Variants in CTBP1 observed in about 807,000 individuals in gnomAD.
CTBP1 encodes the protein C-terminal-binding protein 1.
Under a neutral mutation model 42.1 loss-of-function variants are expected in CTBP1, and 11 were observed. That is an observed-to-expected ratio of 0.26 (90% CI 0.16 to 0.43). The LOEUF is 0.43. CTBP1 is among the 20% of genes least tolerant of loss of function. The pLI is 1.00. For missense variants in CTBP1, 399 were observed against 624.3 expected (o/e 0.64, Z 3.85); for synonymous variants, 324 against 277.1 (o/e 1.17, Z -1.68).
At position 1,211,879 on chromosome 4, in the gene CTBP1, A is replaced by AAC. The variant is rs1728575378; in HGVS notation, c.*360_*361insGT. The AAC allele has an allele frequency of 6.9e-5, 11 of 158,790 alleles. No individual in the cohort carries two copies. Among genetic ancestry groups the AAC allele is most frequent in the Non-Finnish European group, 9.5e-5 (7 of 73,978 alleles). The allele number at this position is 158,790 out of a possible 1,614,324, so 9.8% of individuals were successfully genotyped here. On this transcript the variant is annotated 3_prime_UTR_variant, in exon 10 of 10. Transcript: ENST00000382952. ...GTTCCAACATACAAAAAAAAAAAAA[A>AAC]CAAAAAAAAAAACCTCAAATTGACT...
rs1467935066 is a variant in CTBP1, at chr4:1,235,447, A to T, written c.162+2736T>A. ...CCAACCCCTTCCCTCTCCTGTTCTG[A>T]AGTTTCTGCAAGAGCGACCCTTCCT... On this transcript the variant is annotated intron_variant, in intron 3 of 9. Coordinates refer to ENST00000382952, the MANE Select transcript of CTBP1 (RefSeq NM_001012614.2). This position sits in a 1 kb window ranked among gnomAD's most constrained non-coding sequence, Gnocchi z 4.2. 2.0e-5 allele frequency: 3 copies of T among 152,032 alleles called. No individual in the cohort carries two copies. Among genetic ancestry groups the T allele is most frequent in the African/African-American group, 7.3e-5 (3 of 41,376 alleles). 9.4% of individuals were successfully genotyped at this position (152,032 alleles called of 1,614,324 possible).
chr4:1,226,733 C>A (rs1316617705), intron 4 of CTBP1, among the ~76,000 whole-genome samples: 1 of 151,748 alleles, frequency 6.6e-6, no homozygotes, highest in Non-Finnish European at 1.5e-5. Context: ...CACACCCAGG[C>A]CTGCACCCGA....
At chr4:1,247,613 C>G (rs1732853542) in intron 1 of CTBP1, among the ~76,000 whole-genome samples, 1 of 152,208 alleles carries the variant, frequency 6.6e-6, no homozygotes, top group Non-Finnish European at 1.5e-5. Context: ...CAACCCTGCC[C>G]CAAGCTGCAG....
At chr4:1,248,683 G>A (rs905834769) in intron 1 of CTBP1, 233 of 980,878 alleles carry the variant, frequency 2.4e-4, no homozygotes, top group Non-Finnish European at 2.6e-4. Flanking sequence ...CGGGCGGGGA[G>A]AGCAGACTGC....
chr4:1,247,342 A>G (rs1732821788), intron 1 of CTBP1, among the ~76,000 whole-genome samples: 1 of 152,080 alleles, frequency 6.6e-6, no homozygotes, highest in South Asian at 2.1e-4. Context: ...GCCTGTATGG[A>G]AGCAGGTGCT....
At position 1,238,096 on chromosome 4, in the gene CTBP1, GCT is replaced by G. The variant is rs769037622; in HGVS notation, c.162+85_162+86del. The G allele has an allele frequency of 1.9e-6, 3 of 1,563,388 alleles. No individual in the cohort carries two copies. The Admixed American group carries it at 5.0e-5, about 26-fold the overall frequency. The stretch of plus-strand genomic sequence containing the variant: ...TCCTGCCCCAGTGGCACCCAGACCT[GCT>G]GTGGCCCGGGCCTGCCGTGCTCCCG... On this transcript the variant is annotated intron_variant, in intron 3 of 9. Coordinates refer to ENST00000382952, the MANE Select transcript of CTBP1 (RefSeq NM_001012614.2). This position sits in a 1 kb window ranked among gnomAD's most constrained non-coding sequence, Gnocchi z 5.9.
chr4:1,213,300 G>T (rs939738586), intron 8 of CTBP1, among the ~76,000 whole-genome samples, 178 bp downstream of exon 8: 4 of 152,198 alleles, frequency 2.6e-5, no homozygotes, highest in Non-Finnish European at 4.4e-5. Flanking sequence ...TGTAAGACAC[G>T]ACGCCAGGGC....
Position 1,225,475 on chromosome 4 carries a change from G to A in CTBP1, c.399C>T (p.Thr133=), listed in dbSNP as rs1730232010. The change falls in exon 5 of 10, where the codon ACC becomes ACT. Residue 133 remains threonine, a synonymous_variant. Coordinates refer to ENST00000382952, the MANE Select transcript of CTBP1 (RefSeq NM_001012614.2). The part of the protein sequence containing the change: ...CHILNLYRRA[T]WLHQALREGT... ...CCTCCCGCAGCGCCTGGTGCAGCCAGGTGGCCCGCCGGTACAGGTTCAGGA... is the reference window on the plus strand; with the variant it reads ...CCTCCCGCAGCGCCTGGTGCAGCCAAGTGGCCCGCCGGTACAGGTTCAGGA... The A allele has an allele frequency of 1.9e-6, 3 of 1,542,930 alleles. No homozygotes were observed. Among genetic ancestry groups the A allele is most frequent in the Non-Finnish European group, 2.6e-6 (3 of 1,146,676 alleles).
chr4:1,247,443 T>C (rs1732832218), intron 1 of CTBP1, among the ~76,000 whole-genome samples: 1 of 151,498 alleles, frequency 6.6e-6, no homozygotes, highest in Admixed American at 6.6e-5. Context: ...CAGAGGGAGG[T>C]GGCCAGGCCC....
Position 1,242,672 on chromosome 4 carries a change from G to C in CTBP1, c.-188-1153C>G, listed in dbSNP as rs936795375. On this transcript the variant is annotated intron_variant, in intron 1 of 9. Coordinates refer to ENST00000382952, the MANE Select transcript of CTBP1 (RefSeq NM_001012614.2). ...TGGCAGGTGCTGTGTGGGACTCCCT[G>C]ACGGAGGGCCCAAGAGCAACACTGT... 4 of 985,426 alleles carry C rather than the reference G, an allele frequency of 4.1e-6. No individual in the cohort carries two copies. The African/African-American group carries it at 7.0e-5, about 17-fold the overall frequency. 61.0% of individuals were successfully genotyped at this position (985,426 alleles called of 1,614,324 possible). A position where few individuals can be genotyped will look rare whatever the true frequency, so the allele number is the denominator to read the frequency against.
intron 1 of CTBP1, chr4:1,244,739 C>T (rs1414799151): frequency 1.0e-6 from 1 of 985,308 alleles, no homozygotes; most frequent in Non-Finnish European, 1.2e-6. Flanking sequence ...ACTCCGGGCT[C>T]GAGTGGCCCT....
In CTBP1 at chr4:1,238,329, G is replaced by C. The variant is rs1395137120; in HGVS notation, c.16C>G (p.Pro6Ala). 23 of 1,568,086 alleles carry C rather than the reference G, an allele frequency of 1.5e-5. No homozygotes were observed. The highest frequency in any genetic ancestry group is 2.0e-5 in the Non-Finnish European group (23 of 1,153,474). ...TGCAGGGGCCCGTTCATGATCGGAGGTCGGACGCCTGCAAGACAGAGGCAA... is the reference window on the plus strand; with the variant it reads ...TGCAGGGGCCCGTTCATGATCGGAGCTCGGACGCCTGCAAGACAGAGGCAA... MSGVR[P>A]PIMNGPLHPR... Residue 6 changes from proline (P) to alanine (A), a missense_variant, in exon 3 of 10, where the codon CCT becomes GCT. By Grantham distance (27) the Pro-to-Ala change is conservative (BLOSUM62 -1). Transcript: ENST00000382952. The surrounding 1 kb of genome is among the most constrained non-coding windows in gnomAD (Gnocchi z 5.9).
rs898548978 is a variant in CTBP1 at position 1,242,078 on chromosome 4, A to C, written c.-188-559T>G. 3.0e-6 allele frequency: 3 copies of C among 985,224 alleles called. No homozygotes were observed. In the African/African-American group the frequency reaches 5.2e-5, roughly 17 times the overall value. The allele number at this position is 985,224 out of a possible 1,614,324, so 61.0% of individuals were successfully genotyped here. On this transcript the variant is annotated intron_variant, in intron 1 of 9. Coordinates refer to ENST00000382952, the MANE Select transcript of CTBP1 (RefSeq NM_001012614.2). ...CGGCTCCACCTCCGACCCTCAGTGC[A>C]TCCTGGCGACGCTCCCTCAATTCTC... is the stretch of plus-strand genomic sequence containing the variant.
chr4:1,227,895 C>T (rs1730553513), intron 4 of CTBP1, among the ~76,000 whole-genome samples: 1 of 152,204 alleles, frequency 6.6e-6, no homozygotes, highest in Admixed American at 6.5e-5. Context: ...ACGGCCCTGC[C>T]CTCACCCCCA....
chr4:1,220,302 A>AG (rs1252604952), intron 5 of CTBP1, among the ~76,000 whole-genome samples: 1 of 152,036 alleles, frequency 6.6e-6, no homozygotes, highest in East Asian at 1.9e-4. Context: ...AAAAAAAAAA[A>AG]GAAAAAAAGA....
At chr4:1,241,549 A>G (rs762047190) in intron 1 of CTBP1, 30 bp from the exon 2 acceptor site, 33 of 1,555,772 alleles carry the variant, frequency 2.1e-5, no homozygotes, top group Non-Finnish European at 2.8e-5. Context: ...GACACATTAA[A>G]ATGCCATCGA....
chr4:1,244,094 G>A (rs956261003), intron 1 of CTBP1: 12 of 985,386 alleles, frequency 1.2e-5, no homozygotes, highest in Non-Finnish European at 1.4e-5. Context: ...TCAAGTCCCG[G>A]GGGGCTGCAC....
intron 5 of CTBP1, among the ~76,000 whole-genome samples, chr4:1,224,760 C>G (rs998507993): frequency 1.3e-5 from 2 of 149,456 alleles, no homozygotes; most frequent in African/African-American, 2.5e-5. Context: ...TCTGTGTGTG[C>G]CCGTGAGGTC....
intron 7 of CTBP1, chr4:1,214,023 G>A: frequency 2.3e-6 from 1 of 431,366 alleles, no homozygotes; most frequent in South Asian, 3.6e-5. Context: ...GGTCTGGACG[G>A]GATGCCATGA....
Sources: allele counts gnomAD v4.1 joint callset (sites outside exome capture counted in the v4.1 genomes callset), GRCh38; gene constraint gnomAD v4.1.1; non-coding constraint Gnocchi (gnomAD v3.1); transcripts MANE v1.5; gene names NCBI Gene and HGNC (gene_info 2026-07-23, HGNC 2026-07-21).